PALM2AKAP2: variants seen among roughly 807,000 people sequenced by gnomAD.
PALM2AKAP2 encodes PALM2-AKAP2 fusion protein.
PALM2AKAP2 carries 37 observed loss-of-function variants against 71.5 expected under a neutral mutation model. The observed-to-expected ratio is 0.52, with a 90% CI of 0.40 to 0.68. The LOEUF (loss-of-function observed/expected upper bound fraction) is 0.68. Ranked by LOEUF, PALM2AKAP2 falls within the 30% of genes least tolerant of loss-of-function variation. The pLI is 0.00. For missense variants in PALM2AKAP2, 1,224 were observed against 1,191.8 expected, an observed-to-expected ratio of 1.03 and a Z score of -0.40; for synonymous variants, 468 against 478.8, an observed-to-expected ratio of 0.98 and a Z score of 0.29.
intron 6 of PALM2AKAP2, among the ~76,000 whole-genome samples, chr9:109,993,923 C>A (rs1283314874): frequency 6.6e-6 from 1 of 152,038 alleles, no homozygotes; most frequent in African/African-American, 2.4e-5. Context: ...CAAGTCTAGG[C>A]AGCTCAGCCT....
chr9:109,931,634 TC>T lies in PALM2AKAP2; in HGVS notation c.395-287del, dbSNP rs552516489. On this transcript the variant is annotated intron_variant, in intron 5 of 9. Coordinates refer to the PALM2AKAP2 transcript ENST00000302798. Reference sequence around the variant, plus strand: ...CTCCCACAAGCCCATCTCTGAATCTTCCCCCCGTCCCTGAACTCATTGTCCT... The same window carrying T: ...CTCCCACAAGCCCATCTCTGAATCTTCCCCCGTCCCTGAACTCATTGTCCT... Among the ~76,000 whole-genome samples the T allele has an allele frequency of 4.0e-4, 61 of 152,290 alleles. 1 individual carries two copies. The highest frequency in any genetic ancestry group is 3.6e-3 in the Admixed American group (55 of 15,294).
At chr9:110,120,885 G>C (rs542623080) in intron 1 of PALM2AKAP2, among the ~76,000 whole-genome samples, 1 of 152,304 alleles carries the variant, frequency 6.6e-6, no homozygotes, top group African/African-American at 2.4e-5. Flanking sequence ...TGGGGAGGGC[G>C]AAGGCCGGGA....
chr9:109,842,395 C>A (rs1418925599), intron 1 of PALM2AKAP2, among the ~76,000 whole-genome samples: 1 of 152,168 alleles, frequency 6.6e-6, no homozygotes, highest in Non-Finnish European at 1.5e-5. Context: ...GGGTTGGGAG[C>A]TCTATCCTCA....
At chr9:109,852,763 T>A (rs1829057394) in intron 1 of PALM2AKAP2, among the ~76,000 whole-genome samples, 1 of 152,214 alleles carries the variant, frequency 6.6e-6, no homozygotes, top group African/African-American at 2.4e-5. Context: ...GTGGTTTTGG[T>A]TTGCATCTCT....
At chr9:109,828,914 G>C (rs1341576854) in intron 1 of PALM2AKAP2, among the ~76,000 whole-genome samples, 2 of 152,242 alleles carry the variant, frequency 1.3e-5, no homozygotes, top group Non-Finnish European at 1.5e-5. Context: ...GATCTTGAAA[G>C]GGCCTTGCCA....
intron 1 of PALM2AKAP2, among the ~76,000 whole-genome samples, chr9:109,824,052 G>A (rs1255402294): frequency 1.2e-4 from 18 of 152,016 alleles, no homozygotes; most frequent in African/African-American, 3.4e-4. Flanking sequence ...ACTATGCCTG[G>A]CTGATTTTTG....
chr9:109,711,162 T>TA (rs1828228983), intron 1 of PALM2AKAP2, among the ~76,000 whole-genome samples: 8 of 133,624 alleles, frequency 6.0e-5, no homozygotes, highest in Admixed American at 7.4e-5. Flanking sequence ...TGTTCTTAAT[T>TA]TAAAAAAAAA....
chr9:110,014,555 G>C (rs141707864), intron 6 of PALM2AKAP2, among the ~76,000 whole-genome samples: 1,528 of 151,446 alleles, frequency 0.01, 24 homozygotes, highest in African/African-American at 0.036. Context: ...GGCACATCAC[G>C]TGAGGTCAGG....
At chr9:110,036,093 C>T (rs994397615) in intron 7 of PALM2AKAP2, among the ~76,000 whole-genome samples, 15 of 151,936 alleles carry the variant, frequency 9.9e-5, no homozygotes, top group Non-Finnish European at 2.1e-4. Context: ...ACCACCACGC[C>T]CGGCTAGTTT....
At chr9:109,949,965 C>T (rs775660573) in intron 6 of PALM2AKAP2, among the ~76,000 whole-genome samples, 34 of 152,060 alleles carry the variant, frequency 2.2e-4, no homozygotes, top group Non-Finnish European at 1.6e-4. Flanking sequence ...CTTCAGTCTA[C>T]ACATAAGCAG....
chr9:109,748,546 T>C (rs758387406), intron 1 of PALM2AKAP2, among the ~76,000 whole-genome samples: 42 of 152,212 alleles, frequency 2.8e-4, no homozygotes, highest in Admixed American at 3.3e-4. Flanking sequence ...GCTAACATCA[T>C]TGTATTGGAA....
exon 2 of PALM2AKAP2, chr9:110,137,076 TGCAGAAGCAGTTACAGCAGCAGCAGCA>T: frequency 6.2e-7 from 1 of 1,613,756 alleles, no homozygotes. Flanking sequence ...CAGTTGCTGC[TGCAGAAGCAGTTACAGCAGCAGCAGCA>T]GCAGCCCCCA....
At position 109,740,335 on chromosome 9, in the gene PALM2AKAP2, A is replaced by C. The variant is rs1170540543; in HGVS notation, c.6-40153A>C. Among the ~76,000 whole-genome samples the C allele has an allele frequency of 2.0e-5, 3 of 152,202 alleles. No individual in the cohort carries two copies. The East Asian group carries it at 5.8e-4, about 29-fold the overall frequency. On this transcript the variant is annotated intron_variant, in intron 1 of 6. Transcript: ENST00000374531. ...CAGATGTTGATGAGTACTATAGCAA[A>C]TAAGTAGGGTGAGTGAGGATAGGGA...
rs1337994524 is a variant in PALM2AKAP2, at chr9:109,932,032, A to G, written c.496+4A>G. 6.2e-7 allele frequency: 1 copy of G among 1,611,086 alleles called. No homozygotes were observed. The highest frequency in any genetic ancestry group is 1.3e-5 in the African/African-American group (1 of 75,018). On this transcript the variant is annotated splice_donor_region_variant and intron_variant, in intron 6 of 9. Transcript: ENST00000302798. Reference sequence around the variant, plus strand: ...GACGGGACCAGCAGAGCGGCTGGTAAGTCCTGGGGACCTTTGGACGCTAGG... The same window carrying G: ...GACGGGACCAGCAGAGCGGCTGGTAGGTCCTGGGGACCTTTGGACGCTAGG...
intron 1 of PALM2AKAP2, among the ~76,000 whole-genome samples, chr9:109,642,151 C>T (rs1489885804): frequency 3.3e-5 from 5 of 151,938 alleles, no homozygotes; most frequent in African/African-American, 1.2e-4. Flanking sequence ...AAGATATGTA[C>T]AAATTTAAGG....
exon 4 of PALM2AKAP2, chr9:109,923,759 A>G: frequency 6.2e-7 from 1 of 1,600,760 alleles, no homozygotes; most frequent in Non-Finnish European, 8.5e-7. Context: ...TACAAACGCT[A>G]GAAAGTGAAG....
intron 1 of PALM2AKAP2, among the ~76,000 whole-genome samples, chr9:109,858,787 A>G (rs186532240): frequency 6.6e-6 from 1 of 152,286 alleles, no homozygotes; most frequent in Non-Finnish European, 1.5e-5. Flanking sequence ...TTACTTTCTC[A>G]TCAGAGCCCA....
At chr9:110,033,324 C>A (rs922002910) in intron 7 of PALM2AKAP2, among the ~76,000 whole-genome samples, 2 of 152,176 alleles carry the variant, frequency 1.3e-5, no homozygotes, top group African/African-American at 4.8e-5. Flanking sequence ...ATTTTCCAAA[C>A]CTTTCTCCTT....
At chr9:109,967,486 T>G (rs1240482618) in intron 6 of PALM2AKAP2, among the ~76,000 whole-genome samples, 1 of 151,800 alleles carries the variant, frequency 6.6e-6, no homozygotes, top group African/African-American at 2.4e-5. Context: ...CTTGGCTCAC[T>G]GCAACCTCCA....
Sources: gnomAD v4.1 joint callset for allele counts (sites outside exome capture counted in the v4.1 genomes callset) on GRCh38, gnomAD v4.1.1 for gene constraint, MANE v1.5 for transcripts, NCBI Gene and HGNC (gene_info 2026-07-23, HGNC 2026-07-21) for gene names.